OPCML: variants seen among roughly 807,000 people sequenced by gnomAD.
The protein encoded by OPCML is opioid-binding protein/cell adhesion molecule.
OPCML carries 13 observed loss-of-function variants against 37.8 expected under a neutral mutation model. The ratio of observed to expected loss-of-function variants is 0.34; its 90% CI spans 0.22 to 0.55. The LOEUF is 0.55. OPCML is among the 20% of genes least tolerant of loss of function. The pLI is 0.91. For missense variants in OPCML, 341 were observed against 435.6 expected (o/e 0.78, Z 1.93); for synonymous variants, 176 against 168.8 (o/e 1.04, Z -0.33).
chr11:133,235,216 T>A (rs1174694736), intron 1 of OPCML, among the ~76,000 whole-genome samples: 1 of 152,228 alleles, frequency 6.6e-6, no homozygotes, highest in Admixed American at 6.5e-5. Context: ...TGTGCTTTTG[T>A]GTTTTCCTCT....
intron 4 of OPCML, among the ~76,000 whole-genome samples, chr11:132,477,607 G>A (rs921417237): frequency 6.6e-5 from 10 of 152,230 alleles, no homozygotes; most frequent in South Asian, 2.1e-4. Flanking sequence ...AAGATTGAGA[G>A]AGGAGAGCAC....
chr11:133,318,064 C>T (rs577564083), intron 1 of OPCML, among the ~76,000 whole-genome samples: 24 of 152,274 alleles, frequency 1.6e-4, no homozygotes, highest in African/African-American at 5.8e-4. Flanking sequence ...TTGCCAACGA[C>T]AAAAACCCAG....
intron 4 of OPCML, among the ~76,000 whole-genome samples, chr11:132,488,219 C>A (rs560725199): frequency 6.6e-6 from 1 of 152,208 alleles, no homozygotes; most frequent in Non-Finnish European, 1.5e-5. Flanking sequence ...TCTTTGATCA[C>A]CTCCTGCCCT....
chr11:133,495,839 C>G (rs1947774340), intron 1 of OPCML, among the ~76,000 whole-genome samples: 1 of 151,900 alleles, frequency 6.6e-6, no homozygotes, highest in Non-Finnish European at 1.5e-5. Flanking sequence ...ATTTTCTCCC[C>G]CTCTGTGGGT....
At chr11:132,919,364 A>G (rs966037222) in intron 2 of OPCML, among the ~76,000 whole-genome samples, 1 of 152,148 alleles carries the variant, frequency 6.6e-6, no homozygotes, top group African/African-American at 2.4e-5. Context: ...AGACCTACTG[A>G]GTTGGAAGCT....
At chr11:133,060,805 G>C (rs1948328257) in intron 1 of OPCML, among the ~76,000 whole-genome samples, 1 of 152,242 alleles carries the variant, frequency 6.6e-6, no homozygotes, top group African/African-American at 2.4e-5. Flanking sequence ...TGACTGGGCA[G>C]CTGGCTGCAT....
At chr11:133,137,810 T>A (rs1949713702) in intron 1 of OPCML, among the ~76,000 whole-genome samples, 1 of 152,192 alleles carries the variant, frequency 6.6e-6, no homozygotes, top group Non-Finnish European at 1.5e-5. Flanking sequence ...CAAATTGCAC[T>A]TCCTAGCAAC....
chr11:133,068,549 C>T (rs1250041033), intron 1 of OPCML, among the ~76,000 whole-genome samples: 2 of 152,104 alleles, frequency 1.3e-5, no homozygotes, highest in African/African-American at 2.4e-5. Context: ...AACACATGCT[C>T]GAGAATTAGC....
At chr11:132,940,431 A>C (rs574119140) in intron 2 of OPCML, among the ~76,000 whole-genome samples, 1 of 152,376 alleles carries the variant, frequency 6.6e-6, no homozygotes. Context: ...TGGAACACTC[A>C]GTTCCCAGGT....
chr11:133,282,813 C>T lies in OPCML; in HGVS notation c.61+249451G>A, dbSNP rs112447707. ...AAGCCCACCCATTGTACCAGTGTGG[C>T]TTGGATATGGGACATGGAGTCAAAG... On this transcript the variant is annotated intron_variant, in intron 1 of 7. Transcript: ENST00000524381. 3.9e-5 allele frequency among the ~76,000 whole-genome samples: 6 copies of T among 152,318 alleles called. 1 individual carries two copies. The highest frequency in any genetic ancestry group is 1.4e-4 in the African/African-American group (6 of 41,588).
At chr11:132,819,765 A>T (rs10894615) in intron 2 of OPCML, among the ~76,000 whole-genome samples, 69,159 of 152,000 alleles carry the variant, frequency 0.45, 16,020 homozygotes, top group East Asian at 0.6. Context: ...TTCCCTCAAG[A>T]AATACAACAA....
Position 133,140,724 on chromosome 11 carries a change from AGACGAC to A in OPCML, c.62-197720_62-197715del, listed in dbSNP as rs369146961. ...GAAGAAGACGGAAGACGAAGACGGA[AGACGAC>A]GACGACGACGACGACGAGGAAGAAG... On this transcript the variant is annotated intron_variant, in intron 1 of 7. Coordinates refer to ENST00000524381, the MANE Select transcript of OPCML (RefSeq NM_001012393.5). Among the ~76,000 whole-genome samples, 14 of 22,162 alleles carry A rather than the reference AGACGAC, an allele frequency of 6.3e-4. 1 individual carries two copies. Among genetic ancestry groups the A allele is most frequent in the African/African-American group, 1.1e-3 (12 of 11,308 alleles). The allele number at this position is 22,162 out of a possible 152,430, so 14.5% of individuals were successfully genotyped here.
At chr11:132,566,330 T>C (rs2096423098) in intron 3 of OPCML, among the ~76,000 whole-genome samples, 1 of 152,226 alleles carries the variant, frequency 6.6e-6, no homozygotes. Context: ...ATTGTTTGGC[T>C]TTATGAGCAC....
intron 1 of OPCML, among the ~76,000 whole-genome samples, chr11:133,087,917 C>A (rs964209055): frequency 6.6e-6 from 1 of 152,140 alleles, no homozygotes; most frequent in African/African-American, 2.4e-5. Flanking sequence ...GATGGTATAG[C>A]AGAGTAAAAT....
chr11:132,458,269 C>A (rs1035817162), intron 4 of OPCML, among the ~76,000 whole-genome samples: 1 of 152,210 alleles, frequency 6.6e-6, no homozygotes, highest in Non-Finnish European at 1.5e-5. Flanking sequence ...TCGGACCCAA[C>A]TAACATGCAT....
intron 4 of OPCML, among the ~76,000 whole-genome samples, chr11:132,467,520 C>T (rs1015397337): frequency 5.3e-5 from 8 of 152,202 alleles, no homozygotes; most frequent in Admixed American, 2.6e-4. Context: ...TATTTAAAGG[C>T]ATCATGTGAG....
chr11:132,468,577 CT>C (rs920399876), intron 4 of OPCML, among the ~76,000 whole-genome samples: 1 of 152,226 alleles, frequency 6.6e-6, no homozygotes, highest in African/African-American at 2.4e-5. Context: ...AATCTTTAGC[CT>C]TTTTTAAAAA....
chr11:132,979,103 C>T (rs1946528163), intron 1 of OPCML, among the ~76,000 whole-genome samples: 1 of 152,206 alleles, frequency 6.6e-6, no homozygotes, highest in African/African-American at 2.4e-5. Context: ...ACAACCACTG[C>T]CAGATGTGCC....
intron 2 of OPCML, among the ~76,000 whole-genome samples, chr11:132,828,048 T>C (rs753544070): frequency 6.6e-6 from 1 of 152,160 alleles, no homozygotes; most frequent in African/African-American, 2.4e-5. Flanking sequence ...GGCAATGGAA[T>C]ATTATTCAGT....
Sources: allele counts gnomAD v4.1 joint callset (sites outside exome capture counted in the v4.1 genomes callset), GRCh38; gene constraint gnomAD v4.1.1; transcripts MANE v1.5; gene names NCBI Gene and HGNC (gene_info 2026-07-23, HGNC 2026-07-21).